Variants in MPP7 observed in about 807,000 individuals in gnomAD.
The protein encoded by MPP7 is MAGUK p55 subfamily member 7.
In MPP7, 60 loss-of-function variants were observed where a neutral mutation model predicts 76.5. The observed-to-expected ratio is 0.78, with a 90% confidence interval of 0.64 to 0.97. The LOEUF (loss-of-function observed/expected upper bound fraction) is 0.97, where lower values mean the gene tolerates loss of function less well. Among genes scored for constraint, MPP7 ranks in the 50% least tolerant of loss-of-function variants. MPP7 has a pLI of 0.00. For missense variants in MPP7, 641 were observed against 694.0 expected (o/e 0.92, Z 0.86); for synonymous variants, 237 against 244.5 (o/e 0.97, Z 0.29).
At chr10:28,205,070 A>G (rs1837907534) in intron 2 of MPP7, among the ~76,000 whole-genome samples, 1 of 152,046 alleles carries the variant, frequency 6.6e-6, no homozygotes, top group African/African-American at 2.4e-5. Flanking sequence ...CTAATATCCC[A>G]CCACAGTTTG....
At chr10:28,058,071 T>C (rs548631403) in intron 15 of MPP7, among the ~76,000 whole-genome samples, 261 of 152,308 alleles carry the variant, frequency 1.7e-3, no homozygotes, top group African/African-American at 5.8e-3. Flanking sequence ...TGCTAGGATA[T>C]ATACAGAACC....
chr10:28,121,249 G>A (rs1834828523), intron 8 of MPP7, among the ~76,000 whole-genome samples: 2 of 151,248 alleles, frequency 1.3e-5, no homozygotes, highest in Admixed American at 6.6e-5. Flanking sequence ...CTCCAGCCTA[G>A]GTGACAGAGC....
chr10:28,166,557 A>G (rs2985518), intron 3 of MPP7, among the ~76,000 whole-genome samples: 138,065 of 151,864 alleles, frequency 0.91, 62,813 homozygotes, highest in South Asian at 0.95. Flanking sequence ...ACAGGCATGC[A>G]CCATCACACC....
intron 2 of MPP7, among the ~76,000 whole-genome samples, chr10:28,208,426 C>G (rs760168692): frequency 3.9e-5 from 6 of 152,166 alleles, no homozygotes; most frequent in Non-Finnish European, 7.3e-5. Context: ...CAAGCAAACA[C>G]CCCCTCCAGT....
At chr10:28,205,193 G>T (rs1403457923) in intron 2 of MPP7, among the ~76,000 whole-genome samples, 1 of 152,042 alleles carries the variant, frequency 6.6e-6, no homozygotes, top group East Asian at 1.9e-4. Flanking sequence ...ATGATTAAAG[G>T]AGCCACCAGG....
At chr10:28,103,357 C>G (rs1275142208) in intron 11 of MPP7, among the ~76,000 whole-genome samples, 2 of 150,874 alleles carry the variant, frequency 1.3e-5, no homozygotes, top group Non-Finnish European at 3.0e-5. Context: ...TGGATCCTGT[C>G]TTGGGGCCTT....
At chr10:28,183,503 A>C (rs1837126110) in intron 3 of MPP7, among the ~76,000 whole-genome samples, 1 of 152,208 alleles carries the variant, frequency 6.6e-6, no homozygotes, top group African/African-American at 2.4e-5. Context: ...AAAGTTTATT[A>C]AGAGGCCAGG....
chr10:28,290,929 T>C (rs755214180), intron 1 of MPP7, among the ~76,000 whole-genome samples: 6 of 152,230 alleles, frequency 3.9e-5, no homozygotes, highest in Non-Finnish European at 7.3e-5. Flanking sequence ...TAACAGTACA[T>C]GGACAATATA....
At chr10:28,113,502 A>C (rs919319087) in intron 11 of MPP7, among the ~76,000 whole-genome samples, 1 of 152,168 alleles carries the variant, frequency 6.6e-6, no homozygotes, top group Admixed American at 6.5e-5. Context: ...AATAAACCGG[A>C]AACAGGTCAG....
chr10:28,261,115 C>T (rs188248205), intron 1 of MPP7, among the ~76,000 whole-genome samples: 273 of 152,086 alleles, frequency 1.8e-3, no homozygotes, highest in African/African-American at 6.3e-3. Context: ...TCTTTATATA[C>T]TTTGTCTCTG....
intron 2 of MPP7, among the ~76,000 whole-genome samples, chr10:28,216,640 C>T (rs1838318846): frequency 6.6e-6 from 1 of 152,122 alleles, no homozygotes; most frequent in African/African-American, 2.4e-5. Context: ...CTCCAGACTA[C>T]CAGTGTTAGA....
chr10:28,118,514 A>T (rs1834728125), intron 11 of MPP7: 1 of 985,284 alleles, frequency 1.0e-6, no homozygotes, highest in Non-Finnish European at 1.2e-6. Context: ...TTTGAGAGCC[A>T]GTCAGGCAAG....
intron 1 of MPP7, chr10:28,280,140 C>T (rs1840624840): frequency 2.0e-5 from 3 of 152,010 alleles, no homozygotes. Context: ...GACTGCTATA[C>T]CTAACAGGAC....
chr10:28,261,799 C>T (rs906639429), intron 1 of MPP7, among the ~76,000 whole-genome samples: 1 of 152,082 alleles, frequency 6.6e-6, no homozygotes, highest in African/African-American at 2.4e-5. Flanking sequence ...GTAACCTCAA[C>T]ACTTTGGGAG....
rs17853796 is a variant in MPP7, at chr10:28,054,140, G to A, written c.1656C>T (p.Phe552=). ...IIINDDLTVA[F]NELKTTFDKL... ...TGTCAAAAGTTGTTTTGAGCTCATTGAATGCCACAGTGAGGTCATCATTTA... is the reference window on the plus strand; with the variant it reads ...TGTCAAAAGTTGTTTTGAGCTCATTAAATGCCACAGTGAGGTCATCATTTA... The change falls in exon 17 of 17, where the codon TTC becomes TTT. Residue 552 remains phenylalanine, a synonymous_variant. Coordinates refer to ENST00000683449, the MANE Select transcript of MPP7 (RefSeq NM_001318170.2). 2.4e-5 allele frequency: 39 copies of A among 1,612,662 alleles called. No homozygotes were observed. The South Asian group carries it at 4.2e-4, about 17-fold the overall frequency.
intron 3 of MPP7, among the ~76,000 whole-genome samples, chr10:28,200,288 G>T (rs971921390): frequency 6.6e-6 from 1 of 152,122 alleles, no homozygotes; most frequent in Non-Finnish European, 1.5e-5. Flanking sequence ...AAAAGTTGGG[G>T]GTGGGAGGAA....
chr10:28,204,761 A>G (rs1235974737), intron 2 of MPP7, among the ~76,000 whole-genome samples: 1 of 152,232 alleles, frequency 6.6e-6, no homozygotes, highest in East Asian at 1.9e-4. Flanking sequence ...TGGCTGGCAC[A>G]GCGTAGGCAG....
intron 12 of MPP7, 49 bp from the exon 13 acceptor site, chr10:28,069,901 A>C: frequency 7.2e-7 from 1 of 1,393,400 alleles, no homozygotes; most frequent in Non-Finnish European, 1.0e-6. Context: ...ACACCACATA[A>C]ACATTTCTGT....
chr10:28,081,922 T>A (rs1428588663), intron 12 of MPP7, among the ~76,000 whole-genome samples: 1 of 152,098 alleles, frequency 6.6e-6, no homozygotes, highest in African/African-American at 2.4e-5. Context: ...CTGGCTAATT[T>A]TTGTATTTTT....
Sources: gnomAD v4.1 joint callset for allele counts (sites outside exome capture counted in the v4.1 genomes callset) on GRCh38, gnomAD v4.1.1 for gene constraint, MANE v1.5 for transcripts, NCBI Gene and HGNC (gene_info 2026-07-23, HGNC 2026-07-21) for gene names.